Variants in UPK3B observed in about 807,000 individuals in gnomAD.
The protein encoded by UPK3B is uroplakin-3b.
Under a neutral mutation model 27.6 loss-of-function variants are expected in UPK3B, and 21 were observed. The observed-to-expected ratio is 0.76, with a 90% CI of 0.54 to 1.10. The LOEUF is 1.10. Ranked by LOEUF, UPK3B falls within the 50% of genes least tolerant of loss-of-function variation. UPK3B has a pLI of 0.00. For missense variants in UPK3B, 306 were observed against 376.1 expected (o/e 0.81, Z 1.54); for synonymous variants, 141 against 162.3 (o/e 0.87, Z 1.00).
At chr7:76,513,805 TG>T in intron 4 of UPK3B, 141 bp from the exon 5 acceptor site, 1 of 1,192,226 alleles carries the variant, frequency 8.4e-7, no homozygotes, top group Non-Finnish European at 1.2e-6. Flanking sequence ...GGACGGGGGG[TG>T]GGATCAGGGG....
chr7:76,510,962 A>G lies in UPK3B; in HGVS notation c.145A>G (p.Thr49Ala). 2 of 1,583,148 alleles carry G rather than the reference A, an allele frequency of 1.3e-6. No homozygotes were observed. The highest frequency in any genetic ancestry group is 1.7e-6 in the Non-Finnish European group (2 of 1,166,128). ...AWDLEGKVTA[T>A]TFSLEQPRCV... ...GGACCTGGAAGGGAAGGTCACAGCCACCACCTTCTCCCTGGAGCAGCCGCG... is the reference window on the plus strand; with the variant it reads ...GGACCTGGAAGGGAAGGTCACAGCCGCCACCTTCTCCCTGGAGCAGCCGCG... Residue 49 changes from threonine to alanine, a missense_variant, in exon 2 of 6, where the codon ACC (threonine) becomes GCC (alanine). By Grantham distance (58) the Thr-to-Ala change is moderately conservative. This residue lies in a region of UPK3B where 21 missense variants were observed against 58.4 expected (regional missense o/e 0.36). Coordinates refer to ENST00000334348, the MANE Select transcript of UPK3B (RefSeq NM_001347684.2).
chr7:76,510,591 G>A lies in UPK3B; in HGVS notation c.-62G>A, dbSNP rs1812478910. The A allele has an allele frequency of 2.2e-6, 3 of 1,371,138 alleles. No homozygotes were observed. The highest frequency in any genetic ancestry group is 2.1e-5 in the South Asian group (1 of 47,014). 84.9% of individuals were successfully genotyped at this position (1,371,138 alleles called of 1,614,324 possible). A position where few individuals can be genotyped will look rare whatever the true frequency, so the allele number is the denominator to read the frequency against. ...GCTTCTCCAGGGCCAAGCTGTTGGGGGTGAGGTGCAGCCCGAAGCAGCCAG... is the reference window on the plus strand; with the variant it reads ...GCTTCTCCAGGGCCAAGCTGTTGGGAGTGAGGTGCAGCCCGAAGCAGCCAG... On this transcript the variant is annotated 5_prime_UTR_variant, in exon 1 of 6. Transcript: ENST00000334348.
At chr7:76,512,722 C>T (rs1812578466) in intron 3 of UPK3B, among the ~76,000 whole-genome samples, 1 of 139,868 alleles carries the variant, frequency 7.1e-6, no homozygotes. Context: ...CCCCCGGCTA[C>T]TGCTGCCCCT....
chr7:76,513,460 G>C lies in UPK3B; in HGVS notation c.541+297G>C, dbSNP rs571847480. ...AGCCCCTGCTGGGAGGGAGGAAGAG[G>C]GTGTGGAGGAGGTCAGGGTCAGGGT... On this transcript the variant is annotated intron_variant, in intron 4 of 5. Transcript: ENST00000334348. 4.6e-5 allele frequency among the ~76,000 whole-genome samples: 7 copies of C among 152,288 alleles called. No homozygotes were observed. The East Asian group carries it at 1.4e-3, about 29-fold the overall frequency.
chr7:76,511,361 G>T (rs2116675443), intron 2 of UPK3B, among the ~76,000 whole-genome samples: 1 of 152,382 alleles, frequency 6.6e-6, no homozygotes, highest in East Asian at 1.9e-4. Flanking sequence ...GACCTGGGAG[G>T]ATGTGGCCTC....
chr7:76,511,671 C>T lies in UPK3B; in HGVS notation c.250C>T (p.Gln84Ter). The change falls in exon 3 of 6, where the codon CAG becomes TAG. Residue 84 changes from glutamine (Q) to a stop codon, truncating the protein, a stop_gained. Coordinates refer to ENST00000334348, the MANE Select transcript of UPK3B (RefSeq NM_001347684.2). LOFTEE classifies it high-confidence loss of function. ...TCCTCCTGCAGCCTCCAGGGGCTTC[C>T]AGAACCCGGAGACACTGGCTGACAT... The part of the protein sequence containing the change: ...VAFSNASRGF[Q>*]NPETLADIPA... 6.3e-7 allele frequency: 1 copy of T among 1,595,552 alleles called. No homozygotes were observed. The highest frequency in any genetic ancestry group is 1.3e-5 in the African/African-American group (1 of 74,322).
At position 76,515,090 on chromosome 7, in the gene UPK3B, C is replaced by A. The variant is rs765105785; in HGVS notation, c.717C>A (p.Ile239=). Residue 239 remains isoleucine, a synonymous_variant, in exon 6 of 6, where the codon ATC becomes ATA. Coordinates refer to ENST00000334348, the MANE Select transcript of UPK3B (RefSeq NM_001347684.2). ...WPEEAPEQLR[I]GSFMGKRYMT... is the part of the protein sequence containing the mutation. ...AGGAGGCCCCGGAGCAGCTGCGGAT[C>A]GGCTCCTTCATGGGCAAGCGCTACA... 1.2e-6 allele frequency: 2 copies of A among 1,600,288 alleles called. No homozygotes were observed. The highest frequency in any genetic ancestry group is 1.1e-5 in the South Asian group (1 of 88,852).
chr7:76,513,282 G>C, intron 4 of UPK3B, 119 bp downstream of exon 4: 1 of 967,788 alleles, frequency 1.0e-6, no homozygotes. Flanking sequence ...CCATGTCCAA[G>C]TCGGGCCCAG....
At chr7:76,512,887 T>A (rs1461365696) in intron 3 of UPK3B, among the ~76,000 whole-genome samples, 197 bp from the exon 4 acceptor site, 1 of 152,092 alleles carries the variant, frequency 6.6e-6, no homozygotes, top group African/African-American at 2.4e-5. Context: ...TGAGGGGTGG[T>A]GGCACAGGCC....
Position 76,515,227 on chromosome 7 carries a change from G to A in UPK3B, c.*23G>A, listed in dbSNP as rs1405577258. On this transcript the variant is annotated 3_prime_UTR_variant, in exon 6 of 6. Transcript: ENST00000334348. Reference sequence around the variant, plus strand: ...TAGCCTGGCCTCTTTGCATGGGGCTGGGGGAGATGGGGCGCTGGGAGTGAG... The same window carrying A: ...TAGCCTGGCCTCTTTGCATGGGGCTAGGGGAGATGGGGCGCTGGGAGTGAG... 2 of 1,585,320 alleles carry A rather than the reference G, an allele frequency of 1.3e-6. No homozygotes were observed. The highest frequency in any genetic ancestry group is 1.7e-6 in the Non-Finnish European group (2 of 1,165,694).
chr7:76,513,478 G>T (rs979162257), intron 4 of UPK3B, among the ~76,000 whole-genome samples: 2 of 152,150 alleles, frequency 1.3e-5, no homozygotes, highest in African/African-American at 4.8e-5. Flanking sequence ...GGAGGTCAGG[G>T]TCAGGGTCGG....
chr7:76,515,352 G>A lies in UPK3B; in HGVS notation c.*148G>A. Reference sequence around the variant, plus strand: ...ACCCCGTACCCTGCCTGGAATCCCAGCACCAGCCCCCCTGCCTCTCCTCTG... The same window carrying A: ...ACCCCGTACCCTGCCTGGAATCCCAACACCAGCCCCCCTGCCTCTCCTCTG... On this transcript the variant is annotated 3_prime_UTR_variant, in exon 6 of 6. Transcript: ENST00000334348. The A allele has an allele frequency of 5.3e-6, 8 of 1,497,408 alleles. No homozygotes were observed. Among genetic ancestry groups the A allele is most frequent in the African/African-American group, 4.2e-5 (3 of 72,136 alleles). 92.8% of individuals were successfully genotyped at this position (1,497,408 alleles called of 1,614,324 possible). A position where few individuals can be genotyped will look rare whatever the true frequency, so the allele number is the denominator to read the frequency against.
At position 76,515,069 on chromosome 7, in the gene UPK3B, G is replaced by T; in HGVS notation, c.696G>T (p.Glu232Asp). 6.3e-7 allele frequency: 1 copy of T among 1,594,520 alleles called. No individual in the cohort carries two copies. Among genetic ancestry groups the T allele is most frequent in the Admixed American group, 1.8e-5 (1 of 56,872 alleles). Residue 232 changes from glutamate (E) to aspartate (D), a missense_variant, in exon 6 of 6, where the codon GAG becomes GAT. Physicochemically the swap from Glu to Asp is conservative, Grantham distance 45. Around this residue, in one of 4 missense-constraint regions of UPK3B, gnomAD observed 174 missense variants for 166.6 expected, o/e 1.04. Coordinates refer to ENST00000334348, the MANE Select transcript of UPK3B (RefSeq NM_001347684.2). The part of the protein sequence containing the change: ...MRFSSLWWPE[E>D]APEQLRIGSF... The stretch of plus-strand genomic sequence containing the variant: ...GCTCCAGCCTGTGGTGGCCGGAGGA[G>T]GCCCCGGAGCAGCTGCGGATCGGCT...
chr7:76,513,877 GC>G, intron 4 of UPK3B, 69 bp from the exon 5 acceptor site: 1 of 1,603,560 alleles, frequency 6.2e-7, no homozygotes, highest in South Asian at 1.1e-5. Context: ...TGGGGAGGGA[GC>G]GAGGGAGGAG....
At chr7:76,514,990 C>A in intron 5 of UPK3B, 55 bp from the exon 6 acceptor site, 1 of 1,539,218 alleles carries the variant, frequency 6.5e-7, no homozygotes, top group Non-Finnish European at 8.8e-7. Flanking sequence ...CTTGACCCAG[C>A]ACGTGCCCCA....
At position 76,510,930 on chromosome 7, in the gene UPK3B, C is replaced by A; in HGVS notation, c.113C>A (p.Thr38Lys). ...CTGGTGCCCTACACACCACAGATAACAGCTTGGGACCTGGAAGGGAAGGTC... is the reference window on the plus strand; with the variant it reads ...CTGGTGCCCTACACACCACAGATAAAAGCTTGGGACCTGGAAGGGAAGGTC... Reference protein sequence around the residue: ...LELVPYTPQITAWDLEGKVTA... With the variant: ...LELVPYTPQIKAWDLEGKVTA... The change falls in exon 2 of 6, where the codon ACA becomes AAA. Residue 38 changes from threonine to lysine, a missense_variant. By Grantham distance (78) the Thr-to-Lys change is moderately conservative. Transcript: ENST00000334348. 6.3e-7 allele frequency: 1 copy of A among 1,587,352 alleles called. No individual in the cohort carries two copies. The highest frequency in any genetic ancestry group is 8.6e-7 in the Non-Finnish European group (1 of 1,168,318).
intron 3 of UPK3B, among the ~76,000 whole-genome samples, chr7:76,512,618 G>A (rs1181500098): frequency 7.4e-6 from 1 of 135,828 alleles, no homozygotes; most frequent in African/African-American, 2.6e-5. Context: ...CCCAGGCCTT[G>A]CAGAGCTCCC....
At position 76,510,746 on chromosome 7, in the gene UPK3B, G is replaced by A. The variant is rs1191110987; in HGVS notation, c.85+9G>A. ...GCCCAGCCTGAGCCTGGGTGAGTGG[G>A]GGTCCTGGATGGACGCGTCCAGCCA... is the stretch of plus-strand genomic sequence containing the variant. On this transcript the variant is annotated intron_variant, in intron 1 of 5. Coordinates refer to ENST00000334348, the MANE Select transcript of UPK3B (RefSeq NM_001347684.2). 18 of 1,531,028 alleles carry A rather than the reference G, an allele frequency of 1.2e-5. No homozygotes were observed. The highest frequency in any genetic ancestry group is 1.5e-5 in the Non-Finnish European group (17 of 1,137,376). The allele number at this position is 1,531,028 out of a possible 1,614,324, so 94.8% of individuals were successfully genotyped here.
At position 76,515,372 on chromosome 7, in the gene UPK3B, C is replaced by T; in HGVS notation, c.*168C>T. On this transcript the variant is annotated 3_prime_UTR_variant, in exon 6 of 6. Transcript: ENST00000334348. ...TCCCAGCACCAGCCCCCCTGCCTCT[C>T]CTCTGCCTTTCTGGTTTCTCTCCCT... The T allele has an allele frequency of 6.7e-7, 1 of 1,497,312 alleles. No homozygotes were observed. The highest frequency in any genetic ancestry group is 8.9e-7 in the Non-Finnish European group (1 of 1,125,266). The allele number at this position is 1,497,312 out of a possible 1,614,324, so 92.8% of individuals were successfully genotyped here. A position where few individuals can be genotyped will look rare whatever the true frequency, so the allele number is the denominator to read the frequency against.
Sources: allele counts gnomAD v4.1 joint callset (sites outside exome capture counted in the v4.1 genomes callset), GRCh38; gene constraint gnomAD v4.1.1; regional missense constraint gnomAD v4.1.1; transcripts MANE v1.5; gene names NCBI Gene and HGNC (gene_info 2026-07-23, HGNC 2026-07-21).